COL21A1: variants seen among roughly 807,000 people sequenced by gnomAD.
COL21A1 encodes collagen alpha-1(XXI) chain.
In COL21A1, 149 loss-of-function variants were observed where a neutral mutation model predicts 137.9. The ratio of observed to expected loss-of-function variants is 1.08; its 90% CI spans 0.95 to 1.24. The LOEUF (loss-of-function observed/expected upper bound fraction) is 1.24. Ranked by LOEUF, COL21A1 falls within the 50% of genes most tolerant of loss-of-function variation. The pLI is 0.00. For synonymous variants in COL21A1, 456 were observed against 391.5 expected (o/e 1.16, Z -1.95); for missense variants, 1,167 against 1,158.4 (o/e 1.01, Z -0.11).
chr6:56,390,495 GACACACACAC>G (rs35424168), intron 1 of COL21A1, among the ~76,000 whole-genome samples: 8 of 139,782 alleles, frequency 5.7e-5, no homozygotes, highest in Non-Finnish European at 9.3e-5. Context: ...TGGCTGAATG[GACACACACAC>G]ACACACACAC....
intron 16 of COL21A1, among the ~76,000 whole-genome samples, chr6:56,111,590 A>G (rs968108568): frequency 2.0e-5 from 3 of 152,022 alleles, no homozygotes; most frequent in Non-Finnish European, 4.4e-5. Context: ...TTGGCCAGGC[A>G]TGGTGGCTCA....
chr6:56,220,105 T>C (rs1424777655), intron 1 of COL21A1, among the ~76,000 whole-genome samples: 2 of 152,154 alleles, frequency 1.3e-5, no homozygotes, highest in East Asian at 1.9e-4. Context: ...GCCTAACATA[T>C]TTATACATTG....
chr6:56,154,304 GC>G (rs1478300718), intron 10 of COL21A1, among the ~76,000 whole-genome samples: 1 of 152,072 alleles, frequency 6.6e-6, no homozygotes, highest in Admixed American at 6.5e-5. Context: ...AGAATCATGA[GC>G]CAAATAAACC....
intron 1 of COL21A1, among the ~76,000 whole-genome samples, chr6:56,382,184 T>C (rs2094009757): frequency 6.6e-6 from 1 of 152,208 alleles, no homozygotes; most frequent in Admixed American, 6.5e-5. Context: ...GTCTGGTGAT[T>C]AATCCCACGT....
chr6:56,390,578 A>G (rs1483846271), intron 1 of COL21A1, among the ~76,000 whole-genome samples: 24 of 152,000 alleles, frequency 1.6e-4, no homozygotes, highest in Admixed American at 1.6e-3. Flanking sequence ...ATCTATAAAG[A>G]TACAAACAGC....
intron 1 of COL21A1, among the ~76,000 whole-genome samples, chr6:56,230,741 T>A (rs1268814397): frequency 6.6e-6 from 1 of 151,938 alleles, no homozygotes; most frequent in Non-Finnish European, 1.5e-5. Context: ...AAATGTTTTA[T>A]TTCTTATTTT....
intron 2 of COL21A1, among the ~76,000 whole-genome samples, chr6:56,180,649 C>G (rs188113627): frequency 1.3e-5 from 2 of 152,240 alleles, no homozygotes; most frequent in Middle Eastern, 3.4e-3. Flanking sequence ...ATCTTTGGTG[C>G]AAGTTACATT....
intron 1 of COL21A1, among the ~76,000 whole-genome samples, chr6:56,226,761 T>A (rs1781222254): frequency 6.6e-6 from 1 of 152,018 alleles, no homozygotes; most frequent in Non-Finnish European, 1.5e-5. Flanking sequence ...GTTCCTCACT[T>A]CCATAAAAAA....
rs550665587 is a variant in COL21A1, at chr6:56,115,000, A to G, written c.1758+9062T>C. Among the ~76,000 whole-genome samples the G allele has an allele frequency of 2.6e-5, 4 of 151,954 alleles. No homozygotes were observed. In the East Asian group the frequency reaches 7.7e-4, roughly 29 times the overall value. ...ATGGAATACTATGCAGCCATAAAAA[A>G]TGATGAGTTCATGTCATGGAAATCA... On this transcript the variant is annotated intron_variant, in intron 16 of 29. Coordinates refer to ENST00000244728, the MANE Select transcript of COL21A1 (RefSeq NM_030820.4).
At chr6:56,087,111 G>C (rs1200920248) in intron 17 of COL21A1, among the ~76,000 whole-genome samples, 1 of 144,648 alleles carries the variant, frequency 6.9e-6, no homozygotes, top group Non-Finnish European at 1.5e-5. Flanking sequence ...GTTTTGTTTT[G>C]CCATATCCAC....
intron 1 of COL21A1, among the ~76,000 whole-genome samples, chr6:56,319,128 C>T (rs182674257): frequency 2.6e-5 from 4 of 152,280 alleles, no homozygotes; most frequent in South Asian, 4.1e-4. Context: ...TCTGGGACAT[C>T]GCCCTCCTTT....
intron 1 of COL21A1, among the ~76,000 whole-genome samples, chr6:56,310,988 A>T (rs536244931): frequency 7.9e-5 from 12 of 152,330 alleles, no homozygotes; most frequent in African/African-American, 2.9e-4. Context: ...GCAAATTAAC[A>T]GATACTTAGC....
At chr6:56,076,913 T>G (rs1180967617) in intron 18 of COL21A1, among the ~76,000 whole-genome samples, 3 of 151,416 alleles carry the variant, frequency 2.0e-5, no homozygotes, top group African/African-American at 7.3e-5. Context: ...GAGATATCCA[T>G]ATCTAGACAT....
intron 1 of COL21A1, among the ~76,000 whole-genome samples, chr6:56,260,852 GTGTGTGTGTGTGTGTGTGTGTGTGTA>G (rs1763253478): frequency 7.5e-6 from 1 of 133,962 alleles, no homozygotes; most frequent in African/African-American, 2.6e-5. Context: ...AATTCACTGT[GTGTGTGTGTGTGTGTGTGTGTGTGTA>G]TGTGTGTGTG....
chr6:56,185,367 A>G (rs1438043178), intron 1 of COL21A1, among the ~76,000 whole-genome samples: 1 of 151,768 alleles, frequency 6.6e-6, no homozygotes, highest in East Asian at 1.9e-4. Flanking sequence ...TCAAATAGAA[A>G]GCACCACTAC....
rs1777002219 is a variant in COL21A1 at position 56,171,017 on chromosome 6, G to T, written c.752C>A (p.Pro251Gln). ...KKVKKRIQLS[P>Q]KKIKGYEVTS... ...TACTTCATATCCTTTTATCTTTTTT[G>T]GTGAAAGCTGTATTCTTTTCTTAAC... The change falls in exon 4 of 30, where the codon CCA becomes CAA. Residue 251 changes from proline to glutamine, a missense_variant. Transcript: ENST00000244728. 1.2e-6 allele frequency: 2 copies of T among 1,605,404 alleles called. No individual in the cohort carries two copies. The highest frequency in any genetic ancestry group is 1.7e-6 in the Non-Finnish European group (2 of 1,176,754).
rs569623855 is a variant in COL21A1 at position 56,179,173 on chromosome 6, GA to G, written c.640+404del. On this transcript the variant is annotated intron_variant, in intron 3 of 29. Transcript: ENST00000244728. Reference sequence around the variant, plus strand: ...GAAGGATAAACTAAAACACACTGGGGAAAAAAGGAAAAAAACTAGAATGTAA... The same window carrying G: ...GAAGGATAAACTAAAACACACTGGGGAAAAAGGAAAAAAACTAGAATGTAA... Among the ~76,000 whole-genome samples the G allele has an allele frequency of 1.5e-3, 222 of 151,660 alleles. 1 individual carries two copies. The highest frequency in any genetic ancestry group is 5.3e-3 in the African/African-American group (220 of 41,424).
At chr6:56,301,777 G>A (rs950826682) in intron 1 of COL21A1, among the ~76,000 whole-genome samples, 4 of 151,916 alleles carry the variant, frequency 2.6e-5, no homozygotes, top group African/African-American at 9.7e-5. Flanking sequence ...GGTTACATAT[G>A]TATACATGTG....
intron 1 of COL21A1, among the ~76,000 whole-genome samples, chr6:56,358,049 C>A (rs1355706077): frequency 6.6e-6 from 1 of 152,166 alleles, no homozygotes; most frequent in Non-Finnish European, 1.5e-5. Flanking sequence ...AAGCCTAATA[C>A]AGCTCTTTCA....
Sources: gnomAD v4.1 joint callset for allele counts (sites outside exome capture counted in the v4.1 genomes callset) on GRCh38, gnomAD v4.1.1 for gene constraint, MANE v1.5 for transcripts, NCBI Gene and HGNC (gene_info 2026-07-23, HGNC 2026-07-21) for gene names.